Variants in AGBL1 observed in about 807,000 individuals in gnomAD.
AGBL1 encodes AGBL carboxypeptidase 1.
In AGBL1, 130 loss-of-function variants were observed where a neutral mutation model predicts 118.9. The observed-to-expected ratio is 1.09, with a 90% CI of 0.95 to 1.26. AGBL1 has a LOEUF of 1.26. AGBL1 is among the 50% of genes most tolerant of loss of function. The pLI is 0.00. For missense variants in AGBL1, 1,584 were observed against 1,298.1 expected (o/e 1.22, Z -3.38); for synonymous variants, 555 against 478.9 (o/e 1.16, Z -2.08).
chr15:86,275,028 T>A (rs979469438), intron 15 of AGBL1, among the ~76,000 whole-genome samples: 13 of 152,166 alleles, frequency 8.5e-5, no homozygotes, highest in African/African-American at 2.9e-4. Context: ...GATTCATTTT[T>A]CCCTGCCTCT....
chr15:86,181,259 G>A (rs983453985), intron 5 of AGBL1, among the ~76,000 whole-genome samples: 1 of 151,928 alleles, frequency 6.6e-6, no homozygotes, highest in African/African-American at 2.4e-5. Context: ...GCCGAAAGCT[G>A]GAAACAATCC....
intron 22 of AGBL1, among the ~76,000 whole-genome samples, chr15:86,792,096 A>G (rs140579469): frequency 6.6e-6 from 1 of 152,268 alleles, no homozygotes; most frequent in African/African-American, 2.4e-5. Context: ...TATAAGTTTA[A>G]CATTGTATGA....
intron 17 of AGBL1, among the ~76,000 whole-genome samples, chr15:86,338,715 T>C (rs894562981): frequency 5.3e-5 from 8 of 152,158 alleles, no homozygotes; most frequent in African/African-American, 1.7e-4. Context: ...CCAGGATAAA[T>C]GGTTTGAATG....
At chr15:86,723,244 G>A (rs2086759220) in intron 22 of AGBL1, among the ~76,000 whole-genome samples, 3 of 152,138 alleles carry the variant, frequency 2.0e-5, no homozygotes, top group Admixed American at 1.3e-4. Flanking sequence ...GCAAAGACTT[G>A]GAACCAACCC....
intron 22 of AGBL1, among the ~76,000 whole-genome samples, chr15:86,799,294 CTTG>C (rs1021659034): frequency 6.6e-6 from 1 of 152,010 alleles, no homozygotes; most frequent in African/African-American, 2.4e-5. Context: ...TCTAGGGCCA[CTTG>C]TTGTGGGCAG....
intron 19 of AGBL1, among the ~76,000 whole-genome samples, chr15:86,537,220 T>C (rs1779636111): frequency 1.3e-5 from 2 of 152,170 alleles, no homozygotes; most frequent in African/African-American, 4.8e-5. Context: ...ATAGAAGCCT[T>C]GTTATAGGTC....
Position 86,587,902 on chromosome 15 carries a change from T to C in AGBL1, c.2994+33365T>C, listed in dbSNP as rs140418065. On this transcript the variant is annotated intron_variant, in intron 21 of 22. Coordinates refer to ENST00000614907, the MANE Select transcript of AGBL1 (RefSeq NM_001386094.1). ...CATATCACAGTAGGAAGCTTCTAGTTCTTCCCCAGGCTCCAACGACTCACT... is the reference window on the plus strand; with the variant it reads ...CATATCACAGTAGGAAGCTTCTAGTCCTTCCCCAGGCTCCAACGACTCACT... Among the ~76,000 whole-genome samples, 1,486 of 152,286 alleles carry C rather than the reference T, an allele frequency of 9.8e-3. 36 individuals are homozygous for C. The highest frequency in any genetic ancestry group is 0.034 in the African/African-American group (1,401 of 41,542).
intron 5 of AGBL1, among the ~76,000 whole-genome samples, chr15:86,217,121 C>T (rs1442440402): frequency 6.6e-6 from 1 of 152,112 alleles, no homozygotes; most frequent in Non-Finnish European, 1.5e-5. Context: ...TTTTTTTCCC[C>T]ATGGCATTTA....
intron 19 of AGBL1, among the ~76,000 whole-genome samples, chr15:86,539,186 A>G (rs1255316186): frequency 6.6e-6 from 1 of 152,210 alleles, no homozygotes. Flanking sequence ...AAAGGAAACT[A>G]GATGAAACTA....
At chr15:86,103,383 T>C (rs1334851074) in intron 1 of AGBL1, among the ~76,000 whole-genome samples, 3 of 152,218 alleles carry the variant, frequency 2.0e-5, no homozygotes, top group Non-Finnish European at 2.9e-5. Context: ...TAGAGAATTA[T>C]TATCTTTTTT....
At chr15:86,586,784 T>A (rs968296262) in intron 21 of AGBL1, among the ~76,000 whole-genome samples, 1 of 152,124 alleles carries the variant, frequency 6.6e-6, no homozygotes, top group Non-Finnish European at 1.5e-5. Context: ...TAGGAGTTAT[T>A]TATTTGGCAC....
intron 17 of AGBL1, among the ~76,000 whole-genome samples, chr15:86,326,751 G>A (rs913585828): frequency 2.0e-5 from 3 of 152,052 alleles, no homozygotes; most frequent in Non-Finnish European, 2.9e-5. Flanking sequence ...ATATCTGTCT[G>A]GAGCAGAAGC....
intron 18 of AGBL1, among the ~76,000 whole-genome samples, chr15:86,408,973 A>G (rs1290847111): frequency 6.6e-6 from 1 of 152,216 alleles, no homozygotes; most frequent in African/African-American, 2.4e-5. Context: ...TGAACATTAT[A>G]GGAATAGTTT....
At chr15:86,256,785 T>C (rs2078901969) in intron 7 of AGBL1, 68 bp from the exon 8 acceptor site, 5 of 1,483,980 alleles carry the variant, frequency 3.4e-6, no homozygotes, top group Non-Finnish European at 4.6e-6. Context: ...GAGAGTGTTA[T>C]TAGCTGTGTT....
chr15:86,722,818 AC>A (rs2086748618), intron 22 of AGBL1, among the ~76,000 whole-genome samples: 1 of 152,008 alleles, frequency 6.6e-6, no homozygotes, highest in African/African-American at 2.4e-5. Flanking sequence ...CAAGAAACAA[AC>A]AACCCCATCA....
intron 5 of AGBL1, among the ~76,000 whole-genome samples, chr15:86,182,309 C>G (rs978228327): frequency 1.3e-5 from 2 of 151,794 alleles, no homozygotes; most frequent in Non-Finnish European, 2.9e-5. Flanking sequence ...CTCTTCTCTC[C>G]CTTTGTCATC....
chr15:86,083,625 G>T (rs1366227241), intron 1 of AGBL1: 1 of 152,178 alleles, frequency 6.6e-6, no homozygotes, highest in Non-Finnish European at 1.5e-5. Flanking sequence ...ATGGAACTTA[G>T]ATAACCTCGG....
At chr15:86,938,180 C>G (rs962865689) in intron 23 of AGBL1, among the ~76,000 whole-genome samples, 2 of 152,144 alleles carry the variant, frequency 1.3e-5, no homozygotes, top group Non-Finnish European at 2.9e-5. Context: ...GGAAGACTTG[C>G]TGCCCATGGA....
chr15:86,396,776 C>T (rs2081371497), intron 17 of AGBL1, among the ~76,000 whole-genome samples: 1 of 151,960 alleles, frequency 6.6e-6, no homozygotes, highest in Admixed American at 6.6e-5. Context: ...TATTATTGTC[C>T]CCATTTTATA....
Sources: allele counts gnomAD v4.1 joint callset (sites outside exome capture counted in the v4.1 genomes callset), GRCh38; gene constraint gnomAD v4.1.1; transcripts MANE v1.5; gene names NCBI Gene and HGNC (gene_info 2026-07-23, HGNC 2026-07-21).